The following LHFPL3 variants were observed in gnomAD, a reference collection of about 807,000 sequenced individuals.
LHFPL3 encodes the protein LHFPL tetraspan subfamily member 3, also known as LHFPL tetraspan subfamily member 3 protein.
In LHFPL3, 5 loss-of-function variants were observed where a neutral mutation model predicts 19.3. The ratio of observed to expected loss-of-function variants is 0.26; its 90% CI spans 0.14 to 0.54. LHFPL3 has a LOEUF of 0.54. Among genes scored for constraint, LHFPL3 ranks in the 20% least tolerant of loss-of-function variants. The pLI, the probability that LHFPL3 is intolerant of heterozygous loss-of-function variation, is 0.94. For synonymous variants in LHFPL3, 133 were observed against 126.2 expected (o/e 1.05, Z -0.36); for missense variants, 249 against 307.4 (o/e 0.81, Z 1.42).
intron 1 of LHFPL3, among the ~76,000 whole-genome samples, chr7:104,433,253 G>T (rs947115090): frequency 4.6e-5 from 7 of 152,152 alleles, no homozygotes; most frequent in Non-Finnish European, 1.0e-4. Context: ...TCATTATGTA[G>T]CCTTTGGAAA....
Position 104,546,736 on chromosome 7 carries a change from A to G in LHFPL3, c.446-189939A>G, listed in dbSNP as rs1377055308. ...CCCAAGGCTGCATAACTGAGCTGGG[A>G]GAGTTCTTCCTTTGTCACTGGAGAC... On this transcript the variant is annotated intron_variant, in intron 1 of 2. Transcript: ENST00000424859. 2.0e-5 allele frequency among the ~76,000 whole-genome samples: 3 copies of G among 152,220 alleles called. No individual in the cohort carries two copies. The East Asian group carries it at 5.8e-4, about 29-fold the overall frequency.
intron 1 of LHFPL3, among the ~76,000 whole-genome samples, chr7:104,612,537 A>G (rs758970376): frequency 2.0e-5 from 3 of 152,338 alleles, no homozygotes; most frequent in Middle Eastern, 6.8e-3. Flanking sequence ...CGAATGTACC[A>G]TCACCTTTCT....
At chr7:104,407,737 T>C (rs1167022753) in intron 1 of LHFPL3, among the ~76,000 whole-genome samples, 1 of 152,226 alleles carries the variant, frequency 6.6e-6, no homozygotes, top group Non-Finnish European at 1.5e-5. Flanking sequence ...GATCTCAACA[T>C]TGAAGTTGGC....
intron 1 of LHFPL3, among the ~76,000 whole-genome samples, chr7:104,528,826 GC>G (rs1794239069): frequency 6.6e-6 from 1 of 152,050 alleles, no homozygotes; most frequent in South Asian, 2.1e-4. Context: ...AAACACCTTA[GC>G]TCGACATTGA....
At chr7:104,445,229 G>GT (rs1320055116) in intron 1 of LHFPL3, among the ~76,000 whole-genome samples, 1 of 152,114 alleles carries the variant, frequency 6.6e-6, no homozygotes, top group Non-Finnish European at 1.5e-5. Context: ...AAACAGATTG[G>GT]TCTTTTATGA....
chr7:104,597,969 C>G (rs893532254), intron 1 of LHFPL3, among the ~76,000 whole-genome samples: 3 of 151,908 alleles, frequency 2.0e-5, no homozygotes, highest in African/African-American at 7.3e-5. Flanking sequence ...GACATTGAAG[C>G]AAGAACAAAT....
chr7:104,362,182 G>A (rs1322777822), intron 1 of LHFPL3, among the ~76,000 whole-genome samples: 1 of 152,192 alleles, frequency 6.6e-6, no homozygotes, highest in African/African-American at 2.4e-5. Context: ...AGAAATAATA[G>A]TGAGAGATCA....
In LHFPL3 at chr7:104,865,221, T is replaced by C. The variant is rs150633044; in HGVS notation, c.683-40966T>C. On this transcript the variant is annotated intron_variant, in intron 2 of 2. Coordinates refer to ENST00000424859, the MANE Select transcript of LHFPL3 (RefSeq NM_199000.3). ...TCACCAGCAACAGAACAAAGCTGGA[T>C]GGGGAATGACTTTGACGAGTTGAGA... 3.9e-3 allele frequency among the ~76,000 whole-genome samples: 592 copies of C among 152,116 alleles called. 8 individuals carry two copies. Among genetic ancestry groups the C allele is most frequent in the African/African-American group, 0.014 (569 of 41,472 alleles).
chr7:104,845,454 G>T lies in LHFPL3; in HGVS notation c.683-60733G>T, dbSNP rs569357965. 1.1e-4 allele frequency: 176 copies of T among 1,534,770 alleles called. 3 individuals are homozygous for T. In the South Asian group the frequency reaches 2.0e-3, roughly 17 times the overall value. Reference sequence around the variant, plus strand: ...TGTAAGTGTGAGCATGGCTTTGTGGGTTCAGCTCTGTTTTGTGCGCTTCTG... The same window carrying T: ...TGTAAGTGTGAGCATGGCTTTGTGGTTTCAGCTCTGTTTTGTGCGCTTCTG... On this transcript the variant is annotated intron_variant, in intron 2 of 2. Transcript: ENST00000424859.
chr7:104,659,845 C>T (rs1792191252), intron 1 of LHFPL3, among the ~76,000 whole-genome samples: 1 of 152,178 alleles, frequency 6.6e-6, no homozygotes, highest in African/African-American at 2.4e-5. Context: ...TCTGAGCCAA[C>T]TAGTCCTAAT....
At chr7:104,480,564 AT>A (rs1793115162) in intron 1 of LHFPL3, among the ~76,000 whole-genome samples, 1 of 152,302 alleles carries the variant, frequency 6.6e-6, no homozygotes, top group Admixed American at 6.5e-5. Context: ...AACATTAGTT[AT>A]TTATTCAGGA....
At chr7:104,863,810 T>C (rs752992726) in intron 2 of LHFPL3, among the ~76,000 whole-genome samples, 1 of 152,214 alleles carries the variant, frequency 6.6e-6, no homozygotes, top group East Asian at 1.9e-4. Context: ...TCTGTGATGC[T>C]CCTCACTCCA....
intron 1 of LHFPL3, among the ~76,000 whole-genome samples, chr7:104,532,038 T>G (rs2115847031): frequency 6.6e-6 from 1 of 152,334 alleles, no homozygotes; most frequent in East Asian, 1.9e-4. Flanking sequence ...AGGCACTGAC[T>G]TATAGATCCT....
At chr7:104,736,135 G>A (rs1359316414) in intron 1 of LHFPL3, among the ~76,000 whole-genome samples, 1 of 152,052 alleles carries the variant, frequency 6.6e-6, no homozygotes, top group East Asian at 1.9e-4. Context: ...ACAAAGAAAA[G>A]GAAGGAGAAA....
intron 2 of LHFPL3, among the ~76,000 whole-genome samples, chr7:104,856,397 C>T (rs1227463114): frequency 1.3e-5 from 2 of 151,780 alleles, no homozygotes; most frequent in Admixed American, 6.6e-5. Flanking sequence ...TTACAGGCAC[C>T]CGCCACCACA....
chr7:104,375,055 C>T (rs956459948), intron 1 of LHFPL3, among the ~76,000 whole-genome samples: 3 of 152,102 alleles, frequency 2.0e-5, no homozygotes, highest in Admixed American at 6.5e-5. Context: ...AATAATAATA[C>T]AGGCCAGGCA....
chr7:104,396,798 AAC>A (rs140544708), intron 1 of LHFPL3, among the ~76,000 whole-genome samples: 22 of 150,708 alleles, frequency 1.5e-4, no homozygotes, highest in East Asian at 1.9e-4. Context: ...CTCTACCAAA[AAC>A]ACACACACAC....
intron 1 of LHFPL3, among the ~76,000 whole-genome samples, chr7:104,535,463 T>C (rs982766676): frequency 1.1e-4 from 16 of 152,140 alleles, no homozygotes; most frequent in Non-Finnish European, 2.4e-4. Flanking sequence ...ATTCATTAAG[T>C]TTCTATAACC....
intron 1 of LHFPL3, among the ~76,000 whole-genome samples, chr7:104,666,512 CTTTTTTTTTT>C (rs71155514): frequency 2.8e-4 from 12 of 42,234 alleles, no homozygotes; most frequent in South Asian, 2.7e-3. Context: ...GGATTTCATT[CTTTTTTTTTT>C]TTTTTTTTTT....
Sources: gnomAD v4.1 joint callset for allele counts (sites outside exome capture counted in the v4.1 genomes callset) on GRCh38, gnomAD v4.1.1 for gene constraint, MANE v1.5 for transcripts, NCBI Gene and HGNC (gene_info 2026-07-23, HGNC 2026-07-21) for gene names.